The following SLIT1 variants were observed in gnomAD, a reference collection of about 807,000 sequenced individuals.
SLIT1 encodes the protein slit guidance ligand 1.
A neutral mutation model predicts 186.1 loss-of-function variants in SLIT1; 66 were observed. The ratio of observed to expected loss-of-function variants is 0.35; its 90% confidence interval spans 0.29 to 0.44. The LOEUF is 0.44. SLIT1 is among the 20% of genes least tolerant of loss of function. SLIT1 has a pLI of 1.00. For missense variants in SLIT1, 1,638 were observed against 2,037.4 expected (o/e 0.80, Z 3.77); for synonymous variants, 761 against 833.8 (o/e 0.91, Z 1.50).
intron 11 of SLIT1, chr10:97,057,853 A>T (rs1589377617): frequency 1.6e-6 from 1 of 607,652 alleles, no homozygotes; most frequent in Admixed American, 2.7e-5. Context: ...ACATGTAGAC[A>T]TGGGTGGGTT....
chr10:97,099,991 T>G (rs1849333834), intron 4 of SLIT1, among the ~76,000 whole-genome samples: 1 of 152,146 alleles, frequency 6.6e-6, no homozygotes, highest in African/African-American at 2.4e-5. Context: ...ATACTTAGAG[T>G]GTGGCCAGAG....
At chr10:97,036,812 G>A (rs1848642433) in intron 22 of SLIT1, among the ~76,000 whole-genome samples, 1 of 152,168 alleles carries the variant, frequency 6.6e-6, no homozygotes, top group Non-Finnish European at 1.5e-5. Context: ...AAACTAAAAG[G>A]AGCTGAACTT....
At chr10:97,058,202 C>T (rs1848859215) in intron 11 of SLIT1, 1 of 639,138 alleles carries the variant, frequency 1.6e-6, no homozygotes, top group Non-Finnish European at 2.9e-6. Flanking sequence ...TTCAGAAACA[C>T]CCCTCAAGCT....
intron 13 of SLIT1, among the ~76,000 whole-genome samples, chr10:97,049,509 C>CA (rs767852214): frequency 1.4e-4 from 21 of 152,220 alleles, no homozygotes; most frequent in Non-Finnish European, 2.8e-4. Flanking sequence ...GCAAGGAAGC[C>CA]AAAGCCCAGA....
At chr10:97,152,587 G>A (rs1008102753) in intron 4 of SLIT1, among the ~76,000 whole-genome samples, 7 of 152,206 alleles carry the variant, frequency 4.6e-5, no homozygotes, top group African/African-American at 1.4e-4. Context: ...AAACAGGCTC[G>A]GTTAAAGGAA....
intron 13 of SLIT1, among the ~76,000 whole-genome samples, chr10:97,049,965 C>T (rs1305094026): frequency 6.6e-6 from 1 of 152,180 alleles, no homozygotes. Flanking sequence ...CCAGCTACCT[C>T]TGAGCCACCA....
At chr10:97,005,395 C>T (rs1204499194) in intron 32 of SLIT1, among the ~76,000 whole-genome samples, 1 of 152,210 alleles carries the variant, frequency 6.6e-6, no homozygotes, top group East Asian at 1.9e-4. Flanking sequence ...TTTTTCCCTG[C>T]CTTGTCCTGC....
intron 4 of SLIT1, among the ~76,000 whole-genome samples, chr10:97,117,028 T>G (rs1837442849): frequency 1.3e-5 from 2 of 152,122 alleles, no homozygotes; most frequent in Admixed American, 6.5e-5. Flanking sequence ...CAACACTGTT[T>G]TCTCTCCCTC....
chr10:97,032,547 C>T (rs1181764805), intron 23 of SLIT1, among the ~76,000 whole-genome samples: 65 of 148,614 alleles, frequency 4.4e-4, no homozygotes, highest in African/African-American at 1.4e-3. Flanking sequence ...CCAGCCTGGG[C>T]GACAGAGCGA....
In SLIT1 at chr10:97,004,709, T is replaced by C. The variant is rs1176705129; in HGVS notation, c.3694A>G (p.Ser1232Gly). The C allele has an allele frequency of 6.2e-7, 1 of 1,613,982 alleles. No homozygotes were observed. The highest frequency in any genetic ancestry group is 8.5e-7 in the Non-Finnish European group (1 of 1,180,006). ...RVSYDPGSYP[S>G]SAIYSAETIN... ...AAGCCCTACCTGTAGATGGCAGAGC[T>C]GGGGTAGCTGCCTGGGTCGTAGCTG... Residue 1232 changes from serine (S) to glycine (G), a missense_variant, in exon 33 of 37, where the codon AGC becomes GGC. By Grantham distance (56) the Ser-to-Gly change is moderately conservative. Transcript: ENST00000266058. The surrounding 1 kb of genome is among the most constrained non-coding windows in gnomAD (Gnocchi z 5.1).
chr10:97,142,600 A>C (rs954429667), intron 4 of SLIT1, among the ~76,000 whole-genome samples: 6 of 152,270 alleles, frequency 3.9e-5, no homozygotes, highest in African/African-American at 1.4e-4. Flanking sequence ...CATAGAAAAC[A>C]AAAGCAAAAT....
At chr10:97,177,268 A>C (rs1850269069) in intron 1 of SLIT1, among the ~76,000 whole-genome samples, 1 of 152,186 alleles carries the variant, frequency 6.6e-6, no homozygotes, top group Non-Finnish European at 1.5e-5. Flanking sequence ...TTTTAGTGGC[A>C]ATTCAAAGAA....
At chr10:97,101,184 C>A (rs1393421896) in intron 4 of SLIT1, among the ~76,000 whole-genome samples, 3 of 152,126 alleles carry the variant, frequency 2.0e-5, no homozygotes, top group Non-Finnish European at 4.4e-5. Flanking sequence ...ATAGGCCCCC[C>A]TGGGGACACA....
intron 12 of SLIT1, among the ~76,000 whole-genome samples, chr10:97,056,683 C>T (rs545062224): frequency 3.3e-5 from 5 of 152,354 alleles, no homozygotes; most frequent in African/African-American, 1.2e-4. Flanking sequence ...TCAACCCACT[C>T]GTCTCTCTTT....
intron 4 of SLIT1, among the ~76,000 whole-genome samples, chr10:97,119,379 C>T (rs928880012): frequency 3.9e-5 from 6 of 152,142 alleles, no homozygotes; most frequent in African/African-American, 1.4e-4. Flanking sequence ...CTGGCTGCTG[C>T]CTCCGTGTTC....
chr10:97,124,570 G>C (rs576700848), intron 4 of SLIT1, among the ~76,000 whole-genome samples: 2 of 152,208 alleles, frequency 1.3e-5, no homozygotes, highest in African/African-American at 4.8e-5. Context: ...TTCCCAGGGG[G>C]AGACAAGACT....
chr10:97,021,215 C>G lies in SLIT1; in HGVS notation c.2746+35G>C. The G allele has an allele frequency of 6.3e-7, 1 of 1,597,100 alleles. No individual in the cohort carries two copies. Among genetic ancestry groups the G allele is most frequent in the East Asian group, 2.2e-5 (1 of 44,662 alleles). Reference sequence around the variant, plus strand: ...TGCAGTGTTGGGCAAGTTCTGTGAGCCCCCAGCAGCAGGAGGCTGTGCTCC... The same window carrying G: ...TGCAGTGTTGGGCAAGTTCTGTGAGGCCCCAGCAGCAGGAGGCTGTGCTCC... On this transcript the variant is annotated intron_variant, in intron 26 of 36. Coordinates refer to ENST00000266058, the MANE Select transcript of SLIT1 (RefSeq NM_003061.3). The surrounding 1 kb of genome is among the most constrained non-coding windows in gnomAD (Gnocchi z 4.5).
chr10:97,113,830 A>C (rs1849485836), intron 4 of SLIT1, among the ~76,000 whole-genome samples: 1 of 152,212 alleles, frequency 6.6e-6, no homozygotes, highest in Non-Finnish European at 1.5e-5. Context: ...TGCTGGGATT[A>C]CAGGCGTGAG....
At chr10:97,137,725 A>C (rs1849716244) in intron 4 of SLIT1, among the ~76,000 whole-genome samples, 1 of 152,244 alleles carries the variant, frequency 6.6e-6, no homozygotes, top group Admixed American at 6.5e-5. Context: ...AGCTGGGATT[A>C]CAGGTGTGCC....
Sources: gnomAD v4.1 joint callset for allele counts (sites outside exome capture counted in the v4.1 genomes callset) on GRCh38, gnomAD v4.1.1 for gene constraint, Gnocchi (gnomAD v3.1) non-coding constraint, MANE v1.5 for transcripts, NCBI Gene and HGNC (gene_info 2026-07-23, HGNC 2026-07-21) for gene names.